TEX11: variants seen among roughly 807,000 people sequenced by gnomAD.
TEX11 encodes testis-expressed protein 11.
TEX11 carries 7 observed loss-of-function variants against 84.4 expected under a neutral mutation model. The ratio of observed to expected loss-of-function variants is 0.08; its 90% CI spans 0.05 to 0.16. The LOEUF (loss-of-function observed/expected upper bound fraction) is 0.16. TEX11 is among the 10% of genes least tolerant of loss of function. The pLI, the probability that TEX11 is intolerant of heterozygous loss-of-function variation, is 1.00. For missense variants in TEX11, 551 were observed against 660.5 expected (o/e 0.83, Z 1.82); for synonymous variants, 264 against 222.8 (o/e 1.18, Z -1.64).
At chrX:70,766,743 G>C (rs1257056597) in intron 9 of TEX11, among the ~76,000 whole-genome samples, 1 of 111,673 alleles carries the variant, frequency 9.0e-6, no homozygotes, top group Non-Finnish European at 1.9e-5. Context: ...AAGAGCTATA[G>C]TAACCAAAAT....
chrX:70,531,796 A>G (rs2087891516), intron 28 of TEX11, among the ~76,000 whole-genome samples: 1 of 111,973 alleles, frequency 8.9e-6, no homozygotes, highest in African/African-American at 3.2e-5. Context: ...TGTGAGTTTT[A>G]TGATATATGA....
At chrX:70,533,686 TGAG>T (rs1378031964) in intron 28 of TEX11, among the ~76,000 whole-genome samples, 1 of 109,295 alleles carries the variant, frequency 9.1e-6, no homozygotes, top group Non-Finnish European at 1.9e-5. Context: ...TGGCTCAAGA[TGAG>T]GACAGATAGG....
intron 13 of TEX11, among the ~76,000 whole-genome samples, chrX:70,697,014 G>C (rs758226302): frequency 9.0e-6 from 1 of 111,512 alleles, no homozygotes; most frequent in East Asian, 2.8e-4. Flanking sequence ...CTTGCTGGCT[G>C]TTGGCTGGGA....
chrX:70,783,281 A>G (rs1045630751), intron 9 of TEX11, among the ~76,000 whole-genome samples: 1 of 111,981 alleles, frequency 8.9e-6, no homozygotes, highest in African/African-American at 3.2e-5. Flanking sequence ...TTTGAAGCCA[A>G]TGAGAACAAA....
At chrX:70,904,319 C>T (rs965067993) in intron 2 of TEX11, among the ~76,000 whole-genome samples, 6 of 111,260 alleles carry the variant, frequency 5.4e-5, no homozygotes, top group African/African-American at 9.8e-5. Flanking sequence ...GAAAGTACAC[C>T]AACTTCACTA....
intron 7 of TEX11, among the ~76,000 whole-genome samples, chrX:70,838,313 C>T (rs1291600333): frequency 9.0e-6 from 1 of 111,263 alleles, no homozygotes; most frequent in East Asian, 2.8e-4. Flanking sequence ...CAGCTAGCTA[C>T]TCGGGAGGCT....
At chrX:70,763,899 A>T (rs2090924649) in intron 9 of TEX11, among the ~76,000 whole-genome samples, 1 of 112,267 alleles carries the variant, frequency 8.9e-6, no homozygotes, top group Admixed American at 9.5e-5. Context: ...GTAGATGTCA[A>T]CACCCCACTT....
chrX:70,792,318 ATATATATATAT>A (rs2091126846), intron 9 of TEX11, among the ~76,000 whole-genome samples: 2 of 4,668 alleles, frequency 4.3e-4, no homozygotes, highest in Non-Finnish European at 6.4e-4. Flanking sequence ...AAAAAAAAAT[ATATATATATAT>A]ATATATATAT....
chrX:70,705,643 G>A (rs2147690148), intron 13 of TEX11, among the ~76,000 whole-genome samples: 1 of 111,602 alleles, frequency 9.0e-6, no homozygotes, highest in South Asian at 3.8e-4. Flanking sequence ...TCAAAAAGTG[G>A]GCAAAGGATA....
rs780255094 is a variant in TEX11 at position 70,740,805 on chromosome X, A to G, written c.748-9T>C. 1.8e-6 allele frequency: 2 copies of G among 1,099,859 alleles called. No individual in the cohort carries two copies. The highest frequency in any genetic ancestry group is 2.4e-6 in the Non-Finnish European group (2 of 821,476). 90.6% of individuals were successfully genotyped at this position (1,099,859 alleles called of 1,213,427 possible). On this transcript the variant is annotated splice_polypyrimidine_tract_variant and intron_variant, in intron 10 of 29. Transcript: ENST00000374333. ...AGCCGTAGAACTTTAGCCTGTAAGA[A>G]AAAAAAAAAGAAAAAAAGCACATAT...
intron 12 of TEX11, chrX:70,724,324 T>C: frequency 1.9e-6 from 1 of 538,969 alleles, no homozygotes; most frequent in Non-Finnish European, 2.3e-6. Flanking sequence ...CCCAATACAT[T>C]TGAGCTTCTG....
intron 17 of TEX11, among the ~76,000 whole-genome samples, chrX:70,639,962 A>C (rs2089630886): frequency 9.0e-6 from 1 of 111,429 alleles, no homozygotes; most frequent in African/African-American, 3.3e-5. Flanking sequence ...CAGACGATCA[A>C]ATTAATCTGA....
At chrX:70,724,145 A>G in intron 12 of TEX11, 3 of 752,566 alleles carry the variant, frequency 4.0e-6, no homozygotes, top group Non-Finnish European at 4.7e-6. Context: ...GACTCCAATC[A>G]TCTCTCTGGT....
chrX:70,533,564 G>A (rs926791641), intron 28 of TEX11, among the ~76,000 whole-genome samples: 10 of 111,309 alleles, frequency 9.0e-5, no homozygotes, highest in Non-Finnish European at 1.9e-4. Flanking sequence ...TCAATAAGGA[G>A]GCAGTGGTCA....
chrX:70,856,838 G>A (rs780657213), intron 5 of TEX11, among the ~76,000 whole-genome samples: 9 of 101,288 alleles, frequency 8.9e-5, no homozygotes, highest in Non-Finnish European at 1.1e-4. Flanking sequence ...AAATAAATCC[G>A]TTCAACAGAT....
Position 70,625,344 on chromosome X carries a change from C to T in TEX11, c.1609-420G>A, listed in dbSNP as rs192460608. ...TCTCTCCCCGACTCCTCCAACCCTT[C>T]CACTATGCTCTCTGAAATTCAGTCC... On this transcript the variant is annotated intron_variant, in intron 18 of 29. Transcript: ENST00000374333. 9.9e-5 allele frequency among the ~76,000 whole-genome samples: 11 copies of T among 110,986 alleles called. No homozygotes were observed. The East Asian group carries it at 3.1e-3, about 31-fold the overall frequency.
intron 4 of TEX11, among the ~76,000 whole-genome samples, chrX:70,870,244 C>A (rs955588542): frequency 8.0e-5 from 9 of 111,993 alleles, no homozygotes; most frequent in Non-Finnish European, 1.5e-4. Flanking sequence ...GGTATCTTAC[C>A]TTTTCCCTTT....
intron 17 of TEX11, among the ~76,000 whole-genome samples, chrX:70,639,557 C>T (rs1034567004): frequency 3.0e-4 from 33 of 111,827 alleles, no homozygotes; most frequent in South Asian, 3.7e-4. Flanking sequence ...TCTCCCAGTA[C>T]GCAGCTGGAG....
intron 24 of TEX11, among the ~76,000 whole-genome samples, chrX:70,597,482 A>G (rs1465634650): frequency 8.9e-6 from 1 of 112,320 alleles, no homozygotes; most frequent in African/African-American, 3.2e-5. Context: ...TTTGTGGTCA[A>G]GTGATTTTCA....
Sources: allele counts gnomAD v4.1 joint callset (sites outside exome capture counted in the v4.1 genomes callset), GRCh38; gene constraint gnomAD v4.1.1; transcripts MANE v1.5; gene names NCBI Gene and HGNC (gene_info 2026-07-23, HGNC 2026-07-21).